TP63: variants seen among roughly 807,000 people sequenced by gnomAD.
TP63 encodes the protein tumor protein p63.
In TP63, 17 loss-of-function variants were observed where a neutral mutation model predicts 82.8. The observed-to-expected ratio is 0.21, with a 90% confidence interval of 0.14 to 0.31. The LOEUF (loss-of-function observed/expected upper bound fraction) is 0.31, where lower values mean the gene tolerates loss of function less well. Ranked by LOEUF, TP63 falls within the 10% of genes least tolerant of loss-of-function variation. The pLI is 1.00. For synonymous variants in TP63, 330 were observed against 321.7 expected (o/e 1.03, Z -0.28); for missense variants, 648 against 895.3 (o/e 0.72, Z 3.52).
At chr3:189,738,823 G>T in intron 3 of TP63, 49 bp downstream of exon 3, 1 of 1,607,410 alleles carries the variant, frequency 6.2e-7, no homozygotes, top group Non-Finnish European at 8.5e-7. Flanking sequence ...GCTATCTATA[G>T]CTCTGTTAAA....
intron 3 of TP63, among the ~76,000 whole-genome samples, chr3:189,739,243 T>C (rs1008483807): frequency 1.3e-5 from 2 of 152,144 alleles, no homozygotes; most frequent in Admixed American, 6.5e-5. Flanking sequence ...AGTCTCCCAA[T>C]TAGCTGGGAT....
chr3:189,761,755 G>A (rs956852378), intron 3 of TP63, among the ~76,000 whole-genome samples: 1 of 152,132 alleles, frequency 6.6e-6, no homozygotes, highest in Non-Finnish European at 1.5e-5. Context: ...AGACATATCC[G>A]AGACTGGGCA....
chr3:189,670,274 T>A (rs75709115), intron 1 of TP63, among the ~76,000 whole-genome samples: 94 of 152,134 alleles, frequency 6.2e-4, no homozygotes, highest in African/African-American at 2.1e-3. Context: ...AAAATTGAGT[T>A]CAGAACAGGT....
the TP63 span, among the ~76,000 whole-genome samples, chr3:189,603,505 AT>A: frequency 4.0e-5 from 6 of 151,888 alleles, no homozygotes; most frequent in African/African-American, 1.2e-4. Context: ...CTGAGAGGGT[AT>A]TTTGTTTTAT....
intron 2 of TP63, 52 bp from the exon 3 acceptor site, chr3:189,738,590 T>C (rs1293994618): frequency 9.3e-6 from 15 of 1,613,464 alleles, no homozygotes; most frequent in Non-Finnish European, 1.3e-5. Context: ...AGCATGAGTA[T>C]ATTTTAGTCC....
the TP63 span, among the ~76,000 whole-genome samples, chr3:189,619,532 G>C: frequency 6.6e-6 from 1 of 152,092 alleles, no homozygotes; most frequent in Non-Finnish European, 1.5e-5. Flanking sequence ...TTGCAAAGAG[G>C]GCCTTGTCTT....
At chr3:189,615,556 C>T in the TP63 span, among the ~76,000 whole-genome samples, 6 of 152,054 alleles carry the variant, frequency 3.9e-5, no homozygotes, top group African/African-American at 1.4e-4. Flanking sequence ...GGTCTTTTTT[C>T]CTGAGTTCTA....
At chr3:189,826,193 A>G (rs1347708797) in intron 4 of TP63, among the ~76,000 whole-genome samples, 3 of 152,226 alleles carry the variant, frequency 2.0e-5, no homozygotes, top group African/African-American at 7.2e-5. Context: ...GACTGAGCCC[A>G]CTGTAAGTAT....
rs150509480 is a variant in TP63, at chr3:189,810,138, A to G, written c.579+1612A>G. Among the ~76,000 whole-genome samples the G allele has an allele frequency of 7.4e-3, 1,120 of 152,364 alleles. 10 individuals are homozygous for G. The highest frequency in any genetic ancestry group is 0.026 in the African/African-American group (1,076 of 41,586). On this transcript the variant is annotated intron_variant, in intron 4 of 13. Transcript: ENST00000264731. ...TCTCTCCTCCACGTGTTACTTATCA[A>G]TGGAGTCATAATCCTTAGTTTCCTT...
chr3:189,837,277 T>C (rs1713295536), intron 4 of TP63, among the ~76,000 whole-genome samples: 1 of 152,152 alleles, frequency 6.6e-6, no homozygotes, highest in African/African-American at 2.4e-5. Flanking sequence ...AATTTGGCTA[T>C]TTAATGTAAT....
intron 3 of TP63, among the ~76,000 whole-genome samples, chr3:189,770,665 A>G (rs1413957216): frequency 6.6e-6 from 1 of 152,236 alleles, no homozygotes; most frequent in African/African-American, 2.4e-5. Flanking sequence ...TATTATGCCT[A>G]GAAGGCTGTC....
At chr3:189,655,047 G>T (rs563237872) in intron 1 of TP63, among the ~76,000 whole-genome samples, 7 of 152,212 alleles carry the variant, frequency 4.6e-5, no homozygotes, top group African/African-American at 1.7e-4. Flanking sequence ...AGAAAGAAAC[G>T]CCATAATTAA....
the TP63 span, among the ~76,000 whole-genome samples, chr3:189,606,954 A>C: frequency 2.0e-5 from 3 of 152,180 alleles, no homozygotes; most frequent in African/African-American, 7.2e-5. Flanking sequence ...GACTTCTGTC[A>C]TGCCAGTACT....
At position 189,895,130 on chromosome 3, in the gene TP63, G is replaced by A. The variant is rs1393357991; in HGVS notation, c.*628G>A. On this transcript the variant is annotated 3_prime_UTR_variant, in exon 14 of 14. Transcript: ENST00000264731. ...TAGATCCATTTCCATTGCTTATTAT[G>A]TAGGTAAGACTGTAGATATGTATTC... The A allele has an allele frequency of 4.5e-6, 1 of 220,944 alleles. No individual in the cohort carries two copies. Among genetic ancestry groups the A allele is most frequent in the Non-Finnish European group, 9.1e-6 (1 of 110,318 alleles). 13.7% of individuals were successfully genotyped at this position (220,944 alleles called of 1,614,324 possible).
chr3:189,858,743 T>C (rs1176478843), intron 4 of TP63, among the ~76,000 whole-genome samples: 1 of 152,136 alleles, frequency 6.6e-6, no homozygotes, highest in Non-Finnish European at 1.5e-5. Flanking sequence ...GGTGCCACTG[T>C]ACTGCAGCCT....
intron 3 of TP63, among the ~76,000 whole-genome samples, chr3:189,751,023 A>G (rs965983807): frequency 5.3e-5 from 8 of 152,018 alleles, no homozygotes; most frequent in Admixed American, 1.3e-4. Context: ...CCTGTGTCCA[A>G]GTGTTCTGAT....
chr3:189,736,085 A>G (rs945307279), intron 1 of TP63, among the ~76,000 whole-genome samples: 3 of 149,494 alleles, frequency 2.0e-5, no homozygotes, highest in Admixed American at 6.7e-5. Flanking sequence ...TGAGATATAT[A>G]TTATTTAAAA....
intron 3 of TP63, among the ~76,000 whole-genome samples, chr3:189,772,946 A>G (rs1295880546): frequency 6.6e-6 from 1 of 152,234 alleles, no homozygotes; most frequent in Non-Finnish European, 1.5e-5. Context: ...AGGCAGCTGT[A>G]TACTTAAACA....
intron 11 of TP63, among the ~76,000 whole-genome samples, chr3:189,888,058 A>C (rs571590582): frequency 2.0e-5 from 3 of 151,952 alleles, no homozygotes; most frequent in African/African-American, 7.2e-5. Flanking sequence ...GGTTTTCACC[A>C]TGTTGGCCAG....
Sources: allele counts gnomAD v4.1 joint callset (sites outside exome capture counted in the v4.1 genomes callset), GRCh38; gene constraint gnomAD v4.1.1; transcripts MANE v1.5; gene names NCBI Gene and HGNC (gene_info 2026-07-23, HGNC 2026-07-21).